The following ZNF565 variants were observed in gnomAD, a reference collection of about 807,000 sequenced individuals.
The protein encoded by ZNF565 is zinc finger protein 565.
ZNF565 carries 27 observed loss-of-function variants against 39.4 expected under a neutral mutation model. That is an observed-to-expected ratio of 0.69 (90% confidence interval 0.51 to 0.95). The LOEUF (loss-of-function observed/expected upper bound fraction) is 0.95, where lower values mean the gene tolerates loss of function less well. Among genes scored for constraint, ZNF565 ranks in the 40% least tolerant of loss-of-function variants. The probability of loss-of-function intolerance (pLI) is 0.00; values close to 1 mark genes in which losing one functional copy is unlikely to be tolerated. For synonymous variants in ZNF565, 185 were observed against 216.6 expected (o/e 0.85, Z 1.28); for missense variants, 524 against 621.1 (o/e 0.84, Z 1.66).
intron 1 of ZNF565, among the ~76,000 whole-genome samples, chr19:36,231,891 C>T (rs1449416031): frequency 6.8e-6 from 1 of 147,644 alleles, no homozygotes; most frequent in Non-Finnish European, 1.5e-5. Context: ...CGTGTTGAGA[C>T]CCCGTATCTT....
chr19:36,228,797 A>G (rs1269898989), intron 1 of ZNF565: 1 of 152,284 alleles, frequency 6.6e-6, no homozygotes. Context: ...TGGTGGAGAA[A>G]GAAGTGGGAA....
chr19:36,201,902 G>A (rs1469625333), intron 2 of ZNF565, 75 bp downstream of exon 2: 2 of 1,552,966 alleles, frequency 1.3e-6, no homozygotes, highest in Non-Finnish European at 1.8e-6. Flanking sequence ...GGAAGTTCCA[G>A]GATAAAGAAC....
At chr19:36,202,559 T>G (rs555785252) in intron 1 of ZNF565, among the ~76,000 whole-genome samples, 8 of 152,116 alleles carry the variant, frequency 5.3e-5, no homozygotes, top group Non-Finnish European at 1.5e-5. Context: ...CAGTCCCCCA[T>G]CTTAGTGATG....
chr19:36,245,694 C>A lies in ZNF565; in HGVS notation c.-164G>T. On this transcript the variant is annotated 5_prime_UTR_variant, in exon 1 of 5. Transcript: ENST00000355114. This position sits in a 1 kb window ranked among gnomAD's most constrained non-coding sequence, Gnocchi z 4.4. ...AATGGGTTCAGGGTCTCTTAAGGAC[C>A]CTCCGTTGACGATGCCTCGAGCTAT... The A allele has an allele frequency of 1.6e-6, 1 of 613,654 alleles. No individual in the cohort carries two copies. Among genetic ancestry groups the A allele is most frequent in the Non-Finnish European group, 2.9e-6 (1 of 341,434 alleles). 38.0% of individuals were successfully genotyped at this position (613,654 alleles called of 1,614,324 possible).
intron 1 of ZNF565, among the ~76,000 whole-genome samples, chr19:36,222,681 A>G (rs1056616839): frequency 6.6e-6 from 1 of 150,746 alleles, no homozygotes; most frequent in East Asian, 1.9e-4. Context: ...GGAACTGTCT[A>G]TTCATATCCT....
At chr19:36,217,065 T>TTTTTTTG, upstream of ZNF565, among the ~76,000 whole-genome samples, 1 of 133,954 alleles carries the variant, frequency 7.5e-6, no homozygotes, top group East Asian at 2.2e-4. Flanking sequence ...CTTTTTTTTT[T>TTTTTTTG]TTTTTTTTTT....
chr19:36,211,864 C>T (rs1156272901), intron 1 of ZNF565, among the ~76,000 whole-genome samples: 3 of 151,906 alleles, frequency 2.0e-5, no homozygotes, highest in Non-Finnish European at 4.4e-5. Context: ...CAAAACCCCA[C>T]CATTTGACAA....
intron 2 of ZNF565, among the ~76,000 whole-genome samples, chr19:36,200,495 T>TC (rs1278854873): frequency 1.3e-5 from 2 of 151,708 alleles, no homozygotes; most frequent in African/African-American, 4.8e-5. Flanking sequence ...AAGTTGGATT[T>TC]TTTTTTTTTT....
At chr19:36,223,552 A>G (rs920256599) in intron 1 of ZNF565, among the ~76,000 whole-genome samples, 10 of 151,718 alleles carry the variant, frequency 6.6e-5, no homozygotes, top group African/African-American at 2.4e-4. Context: ...TTTAGTAGAG[A>G]CGGGGTTTCA....
intron 1 of ZNF565, among the ~76,000 whole-genome samples, chr19:36,233,464 C>T (rs2972542): frequency 6.6e-6 from 1 of 151,744 alleles, no homozygotes; most frequent in Non-Finnish European, 1.5e-5. Flanking sequence ...AAAAATGGGC[C>T]CAGGGGACCG....
Position 36,182,620 on chromosome 19 carries a change from C to T in ZNF565, c.1346G>A (p.Cys449Tyr). Residue 449 changes from cysteine to tyrosine, a missense_variant, in exon 5 of 5, where the codon TGC becomes TAC. Physicochemically the swap from Cys to Tyr is radical, Grantham distance 194. Transcript: ENST00000304116. ...RIHTCEKPYECRECGMAFIRS... is the reference protein window; with the variant it reads ...RIHTCEKPYEYRECGMAFIRS... ...AATAAAGGCCATTCCACACTCCCTG[C>T]ATTCATAGGGTTTCTCACAAGTGTG... The T allele has an allele frequency of 6.2e-7, 1 of 1,614,156 alleles. No homozygotes were observed. Among genetic ancestry groups the T allele is most frequent in the Non-Finnish European group, 8.5e-7 (1 of 1,180,002 alleles).
chr19:36,243,515 A>T (rs1351135296), intron 1 of ZNF565, among the ~76,000 whole-genome samples: 2 of 152,186 alleles, frequency 1.3e-5, no homozygotes, highest in Non-Finnish European at 2.9e-5. Flanking sequence ...GGGAGTTAAA[A>T]ACGAGAAGAA....
chr19:36,207,557 A>ACG lies in ZNF565; in HGVS notation c.-65-5508_-65-5507insCG, dbSNP rs1218850658. Among the ~76,000 whole-genome samples the ACG allele has an allele frequency of 4.8e-3, 734 of 151,548 alleles. 7 individuals are homozygous for ACG. The highest frequency in any genetic ancestry group is 0.017 in the African/African-American group (703 of 41,210). On this transcript the variant is annotated intron_variant, in intron 1 of 4. Coordinates refer to ENST00000304116, the MANE Select transcript of ZNF565 (RefSeq NM_152477.5). ...CCATCTCAAACAAAAAAAAAAATAC[A>ACG]TAACAAACAAACAACAAAACAAACA...
In ZNF565 at chr19:36,237,083, A is replaced by G. The variant is rs754073235; in HGVS notation, c.55+8393T>C. 3.7e-6 allele frequency: 6 copies of G among 1,614,068 alleles called. No individual in the cohort carries two copies. The Admixed American group carries it at 5.0e-5, about 13-fold the overall frequency. On this transcript the variant is annotated intron_variant, in intron 1 of 4. Coordinates refer to the ZNF565 transcript ENST00000355114. ...TTCAGGTGATAAACCTTACGAATGC[A>G]ATGTTTGTGGAAAAGCCTTCTCTCA...
At chr19:36,202,985 T>C (rs1396306316) in intron 1 of ZNF565, among the ~76,000 whole-genome samples, 4 of 152,114 alleles carry the variant, frequency 2.6e-5, no homozygotes, top group Admixed American at 2.6e-4. Flanking sequence ...TAGAAGTCTC[T>C]TGGCCCAGCA....
At position 36,245,628 on chromosome 19, in the gene ZNF565, G is replaced by A. The variant is rs576066351; in HGVS notation, c.-98C>T. 3 of 697,810 alleles carry A rather than the reference G, an allele frequency of 4.3e-6. No individual in the cohort carries two copies. The highest frequency in any genetic ancestry group is 7.9e-6 in the Non-Finnish European group (3 of 381,972). The allele number at this position is 697,810 out of a possible 1,614,324, so 43.2% of individuals were successfully genotyped here. A position where few individuals can be genotyped will look rare whatever the true frequency, so the allele number is the denominator to read the frequency against. ...CCTCCCAGCTTCGAGGCTACCACCT[G>A]CCCGAATTGGTGCTTTGGCAGAGTC... On this transcript the variant is annotated 5_prime_UTR_variant, in exon 1 of 5. Transcript: ENST00000355114. The surrounding 1 kb of genome is among the most constrained non-coding windows in gnomAD (Gnocchi z 4.4).
At chr19:36,195,342 C>T (rs1975718429) in intron 2 of ZNF565, among the ~76,000 whole-genome samples, 186 bp from the exon 3 acceptor site, 1 of 152,062 alleles carries the variant, frequency 6.6e-6, no homozygotes, top group Admixed American at 6.6e-5. Flanking sequence ...TTTTATTCCC[C>T]ATGTACTGTG....
chr19:36,241,781 CAAA>C (rs57036778), intron 1 of ZNF565, among the ~76,000 whole-genome samples: 146 of 79,728 alleles, frequency 1.8e-3, no homozygotes, highest in East Asian at 3.3e-3. Context: ...AGAAGAGTGT[CAAA>C]AAAAAAAAAA....
chr19:36,238,778 G>A (rs1003776333), intron 1 of ZNF565: 1 of 166,990 alleles, frequency 6.0e-6, no homozygotes, highest in Non-Finnish European at 1.5e-5. Flanking sequence ...ATCCAAATCT[G>A]TTTTAATTAT....
Sources: allele counts gnomAD v4.1 joint callset (sites outside exome capture counted in the v4.1 genomes callset), GRCh38; gene constraint gnomAD v4.1.1; non-coding constraint Gnocchi (gnomAD v3.1); transcripts MANE v1.5; gene names NCBI Gene and HGNC (gene_info 2026-07-23, HGNC 2026-07-21).